The following PHF24 variants were observed in gnomAD, a reference collection of about 807,000 sequenced individuals.
PHF24 encodes Galpha inhibitory interacting protein.
In PHF24, 25 loss-of-function variants were observed where a neutral mutation model predicts 42.6. The observed-to-expected ratio is 0.59, with a 90% CI of 0.43 to 0.82. The LOEUF (loss-of-function observed/expected upper bound fraction) is 0.82, where lower values mean the gene tolerates loss of function less well. Ranked by LOEUF, PHF24 falls within the 40% of genes least tolerant of loss-of-function variation. The pLI is 0.00. For missense variants in PHF24, 470 were observed against 538.1 expected (o/e 0.87, Z 1.25); for synonymous variants, 185 against 204.8 (o/e 0.90, Z 0.83).
chr9:34,723,021 A>G, the PHF24 span: 2 of 669,868 alleles, frequency 3.0e-6, no homozygotes, highest in South Asian at 4.5e-5. Flanking sequence ...TTAACACAAT[A>G]CAGCAGAGAC....
At chr9:34,781,850 G>T in the PHF24 span, among the ~76,000 whole-genome samples, 1 of 152,144 alleles carries the variant, frequency 6.6e-6, no homozygotes, top group African/African-American at 2.4e-5. Flanking sequence ...CAATAGGTTG[G>T]TAAGTACAGC....
the PHF24 span, among the ~76,000 whole-genome samples, chr9:34,692,976 G>A: frequency 6.6e-6 from 1 of 151,984 alleles, no homozygotes; most frequent in Admixed American, 6.6e-5. Context: ...TAGTAGAGGT[G>A]AGGTTTCACC....
intron 1 of PHF24, among the ~76,000 whole-genome samples, chr9:34,969,056 A>G (rs1826878367): frequency 6.6e-6 from 1 of 152,210 alleles, no homozygotes. Flanking sequence ...TCCCCAAAAC[A>G]GAGGGAGTAT....
the PHF24 span, chr9:34,922,946 C>T: frequency 7.2e-7 from 1 of 1,383,148 alleles, no homozygotes; most frequent in African/African-American, 1.4e-5. Flanking sequence ...GCAGTGGTCT[C>T]ACCTTGTGTC....
the PHF24 span, among the ~76,000 whole-genome samples, chr9:34,947,558 T>TA: frequency 7.1e-3 from 1,076 of 152,074 alleles, 12 homozygotes; most frequent in African/African-American, 0.025. Context: ...TCTACTTATT[T>TA]AAAAAAAATA....
chr9:34,915,210 T>G, the PHF24 span, among the ~76,000 whole-genome samples: 1 of 151,950 alleles, frequency 6.6e-6, no homozygotes, highest in African/African-American at 2.4e-5. Flanking sequence ...ATTTTTGTAT[T>G]TTTTGTAGAG....
At chr9:34,927,273 A>G in the PHF24 span, among the ~76,000 whole-genome samples, 2 of 152,164 alleles carry the variant, frequency 1.3e-5, no homozygotes, top group Non-Finnish European at 2.9e-5. Context: ...CAGCTGACGT[A>G]TGGCATTCAG....
At chr9:34,747,940 C>T in the PHF24 span, among the ~76,000 whole-genome samples, 14 of 152,110 alleles carry the variant, frequency 9.2e-5, no homozygotes, top group African/African-American at 3.4e-4. Flanking sequence ...TAGATTGTGA[C>T]ATATTCATAT....
At chr9:34,719,872 A>G in the PHF24 span, among the ~76,000 whole-genome samples, 1 of 152,156 alleles carries the variant, frequency 6.6e-6, no homozygotes, top group Non-Finnish European at 1.5e-5. Context: ...CATCTGTTGA[A>G]TGTTGGTTCA....
chr9:34,780,298 C>CTTTTTTTTTTTTTT, the PHF24 span, among the ~76,000 whole-genome samples: 5 of 63,906 alleles, frequency 7.8e-5, no homozygotes, highest in East Asian at 6.3e-4. Flanking sequence ...TTCTTTTTTT[C>CTTTTTTTTTTTTTT]TTTTTTTTTT....
chr9:34,796,791 G>A, the PHF24 span, among the ~76,000 whole-genome samples: 4 of 152,182 alleles, frequency 2.6e-5, no homozygotes, highest in Non-Finnish European at 1.5e-5. Context: ...TCCAGGATAT[G>A]ACCCATCAAC....
chr9:34,680,411 G>A, the PHF24 span, among the ~76,000 whole-genome samples: 5 of 150,998 alleles, frequency 3.3e-5, no homozygotes, highest in Non-Finnish European at 7.4e-5. Context: ...TAAGAAGGCC[G>A]GGCGCGGTGG....
chr9:34,911,230 A>G, the PHF24 span, among the ~76,000 whole-genome samples: 18 of 151,936 alleles, frequency 1.2e-4, no homozygotes, highest in African/African-American at 4.3e-4. Context: ...AACTATATTT[A>G]TAGGGTTTTC....
chr9:34,850,835 A>T, the PHF24 span, among the ~76,000 whole-genome samples: 5,949 of 152,290 alleles, frequency 0.039, 295 homozygotes, highest in African/African-American at 0.1. Flanking sequence ...CCTCAGCTGC[A>T]GGTCTGTTGG....
chr9:34,939,559 G>C, the PHF24 span, among the ~76,000 whole-genome samples: 1 of 152,144 alleles, frequency 6.6e-6, no homozygotes, highest in African/African-American at 2.4e-5. Context: ...TGTCAGAGGA[G>C]TCCTATGTTT....
At chr9:34,708,854 C>A in the PHF24 span, among the ~76,000 whole-genome samples, 2 of 152,138 alleles carry the variant, frequency 1.3e-5, no homozygotes, top group Non-Finnish European at 2.9e-5. Context: ...CCTTTAACTG[C>A]TCAGGGGTGC....
the PHF24 span, among the ~76,000 whole-genome samples, chr9:34,907,640 G>C: frequency 1.6e-3 from 249 of 152,218 alleles, no homozygotes; most frequent in African/African-American, 5.1e-3. Context: ...ATCGGTAAAA[G>C]GCTAGTGCTT....
At chr9:34,921,823 C>T in the PHF24 span, among the ~76,000 whole-genome samples, 1 of 152,294 alleles carries the variant, frequency 6.6e-6, no homozygotes, top group Non-Finnish European at 1.5e-5. Flanking sequence ...CCCTTTTAGT[C>T]CCCACCAGGA....
chr9:34,977,743 G>A (rs369669056), intron 7 of PHF24, 102 bp downstream of exon 7: 96 of 1,033,438 alleles, frequency 9.3e-5, no homozygotes, highest in Middle Eastern at 2.1e-4. Context: ...AACAGCAAGC[G>A]CCCACCCAAG....
Sources: gnomAD v4.1 joint callset for allele counts (sites outside exome capture counted in the v4.1 genomes callset) on GRCh38, gnomAD v4.1.1 for gene constraint, MANE v1.5 for transcripts, NCBI Gene and HGNC (gene_info 2026-07-23, HGNC 2026-07-21) for gene names.